The following ENTREP1 variants were observed in gnomAD, a reference collection of about 807,000 sequenced individuals.
ENTREP1 encodes Friedreich ataxia region gene X123.
At chr9:69,385,753 T>C in the ENTREP1 span, 2 of 1,469,870 alleles carry the variant, frequency 1.4e-6, no homozygotes, top group East Asian at 2.6e-5. Context: ...AGATAATTTA[T>C]GTTTCGCCTC....
At chr9:69,345,972 T>G in the ENTREP1 span, among the ~76,000 whole-genome samples, 1 of 151,606 alleles carries the variant, frequency 6.6e-6, no homozygotes, top group Non-Finnish European at 1.5e-5. Flanking sequence ...TGACTTATAC[T>G]CCACACAAAT....
chr9:69,333,655 G>T, the ENTREP1 span, among the ~76,000 whole-genome samples: 1 of 152,028 alleles, frequency 6.6e-6, no homozygotes, highest in Non-Finnish European at 1.5e-5. Context: ...TGAACCGCAG[G>T]GTTCTCTATT....
the ENTREP1 span, among the ~76,000 whole-genome samples, chr9:69,340,651 GCA>G: frequency 6.8e-3 from 902 of 132,258 alleles, 13 homozygotes; most frequent in African/African-American, 0.017. Context: ...ATGTGTGTGT[GCA>G]TGTGTGTGTG....
chr9:69,354,996 T>A, the ENTREP1 span, among the ~76,000 whole-genome samples: 2 of 152,204 alleles, frequency 1.3e-5, no homozygotes, highest in African/African-American at 4.8e-5. Flanking sequence ...TAGTGCCATA[T>A]ACTGTGATGA....
the ENTREP1 span, chr9:69,377,440 G>T: frequency 5.0e-6 from 8 of 1,613,794 alleles, no homozygotes; most frequent in Admixed American, 3.3e-5. Flanking sequence ...GCTGCCCTCC[G>T]CTACCTCCAG....
chr9:69,369,615 GAC>G, the ENTREP1 span, among the ~76,000 whole-genome samples: 5 of 140,020 alleles, frequency 3.6e-5, no homozygotes, highest in African/African-American at 1.0e-4. Context: ...TTTATCATAT[GAC>G]ACACAGTTTT....
At chr9:69,388,162 C>T in the ENTREP1 span, 1 of 1,614,106 alleles carries the variant, frequency 6.2e-7, no homozygotes, top group Non-Finnish European at 8.5e-7. Flanking sequence ...CCACAGCTGC[C>T]CCAGTGCTCA....
the ENTREP1 span, among the ~76,000 whole-genome samples, chr9:69,352,998 A>G: frequency 4.2e-4 from 64 of 152,324 alleles, 1 homozygote; most frequent in Admixed American, 3.7e-3. Flanking sequence ...TTAGCTGGTC[A>G]TAGTGACACA....
At chr9:69,369,553 T>C in the ENTREP1 span, among the ~76,000 whole-genome samples, 1 of 152,138 alleles carries the variant, frequency 6.6e-6, no homozygotes, top group African/African-American at 2.4e-5. Flanking sequence ...TATCTCATTG[T>C]GTTTTTGATT....
At chr9:69,325,705 G>T in the ENTREP1 span, 1 of 1,229,934 alleles carries the variant, frequency 8.1e-7, no homozygotes, top group Non-Finnish European at 1.0e-6. Context: ...ACTCGTGCCC[G>T]TTCTGGGCCG....
chr9:69,379,221 T>C, the ENTREP1 span, among the ~76,000 whole-genome samples: 1 of 152,192 alleles, frequency 6.6e-6, no homozygotes, highest in African/African-American at 2.4e-5. Flanking sequence ...ATGTCCAGGG[T>C]GATGGTATGT....
the ENTREP1 span, chr9:69,387,828 C>T: frequency 8.5e-7 from 1 of 1,170,040 alleles, no homozygotes; most frequent in Non-Finnish European, 1.1e-6. Flanking sequence ...TTGGCCCATC[C>T]ATCCCCATCT....
At chr9:69,359,853 C>T in the ENTREP1 span, among the ~76,000 whole-genome samples, 11 of 152,118 alleles carry the variant, frequency 7.2e-5, no homozygotes, top group African/African-American at 2.7e-4. Flanking sequence ...GGCCATAGTT[C>T]CTGATCTATT....
chr9:69,333,468 C>T, the ENTREP1 span, among the ~76,000 whole-genome samples: 1,520 of 152,138 alleles, frequency 1.0e-2, 25 homozygotes, highest in African/African-American at 0.035. Flanking sequence ...CCAAACCCAG[C>T]TAATTTTTGT....
chr9:69,341,813 A>G, the ENTREP1 span, among the ~76,000 whole-genome samples: 1 of 152,162 alleles, frequency 6.6e-6, no homozygotes, highest in Non-Finnish European at 1.5e-5. Flanking sequence ...CAATAAATTG[A>G]AATGAACCCT....
At chr9:69,385,806 C>T in the ENTREP1 span, 1 of 1,451,700 alleles carries the variant, frequency 6.9e-7, no homozygotes. Flanking sequence ...TGGGGACATT[C>T]CTAACATACC....
chr9:69,376,885 A>G, the ENTREP1 span, among the ~76,000 whole-genome samples: 1 of 152,172 alleles, frequency 6.6e-6, no homozygotes, highest in African/African-American at 2.4e-5. Flanking sequence ...CAGCTCCTTC[A>G]GTGTCCTCGT....
chr9:69,344,394 G>A, the ENTREP1 span, among the ~76,000 whole-genome samples: 1 of 152,184 alleles, frequency 6.6e-6, no homozygotes, highest in East Asian at 1.9e-4. Context: ...GAGTGAAATG[G>A]GAATGGGAAG....
the ENTREP1 span, among the ~76,000 whole-genome samples, chr9:69,328,210 G>T: frequency 6.6e-6 from 1 of 152,132 alleles, no homozygotes; most frequent in Non-Finnish European, 1.5e-5. Context: ...TCCAAGCAGG[G>T]TGGGAATTAG....
Sources: allele counts gnomAD v4.1 joint callset (sites outside exome capture counted in the v4.1 genomes callset), GRCh38; gene constraint gnomAD v4.1.1; transcripts MANE v1.5; gene names NCBI Gene and HGNC (gene_info 2026-07-23, HGNC 2026-07-21).